The following SORBS2 variants were observed in gnomAD, a reference collection of about 807,000 sequenced individuals.
SORBS2 encodes the protein sorbin and SH3 domain containing 2.
A neutral mutation model predicts 97.7 loss-of-function variants in SORBS2; 46 were observed. That is an observed-to-expected ratio of 0.47 (90% CI 0.37 to 0.60). The LOEUF is 0.60. Ranked by LOEUF, SORBS2 falls within the 20% of genes least tolerant of loss-of-function variation. The pLI is 0.00. For missense variants in SORBS2, 1,316 were observed against 1,282.3 expected (o/e 1.03, Z -0.40); for synonymous variants, 476 against 473.4 (o/e 1.01, Z -0.07).
chr4:185,698,398 G>A (rs1224390041), intron 2 of SORBS2, among the ~76,000 whole-genome samples: 1 of 152,082 alleles, frequency 6.6e-6, no homozygotes, highest in Non-Finnish European at 1.5e-5. Context: ...ATGGCTTGAA[G>A]CTGGGAGGTG....
chr4:185,603,729 T>C (rs188835128), intron 12 of SORBS2, among the ~76,000 whole-genome samples: 1 of 152,330 alleles, frequency 6.6e-6, no homozygotes, highest in Non-Finnish European at 1.5e-5. Flanking sequence ...TTTCATGCTG[T>C]GGTTGTCATT....
intron 1 of SORBS2, among the ~76,000 whole-genome samples, chr4:185,790,378 C>A (rs760862324): frequency 8.5e-5 from 13 of 152,126 alleles, no homozygotes; most frequent in African/African-American, 2.7e-4. Context: ...CATATTGTAG[C>A]GAAAACATTC....
chr4:185,746,870 G>A lies in SORBS2; in HGVS notation c.-198+28357C>T, dbSNP rs552728524. Among the ~76,000 whole-genome samples, 139 of 152,296 alleles carry A rather than the reference G, an allele frequency of 9.1e-4. 1 individual carries two copies. Among genetic ancestry groups the A allele is most frequent in the African/African-American group, 3.2e-3 (131 of 41,564 alleles). ...CTGAATTGTGCCCTCTTAAATTCATGTATCGAAGGACTGGCCCCCTAGGAC... is the reference window on the plus strand; with the variant it reads ...CTGAATTGTGCCCTCTTAAATTCATATATCGAAGGACTGGCCCCCTAGGAC... On this transcript the variant is annotated intron_variant, in intron 2 of 20. Coordinates refer to the SORBS2 transcript ENST00000284776.
At chr4:185,707,382 T>C (rs2098359637) in intron 2 of SORBS2, among the ~76,000 whole-genome samples, 3 of 152,184 alleles carry the variant, frequency 2.0e-5, no homozygotes, top group Non-Finnish European at 4.4e-5. Flanking sequence ...ATAACTTAGT[T>C]ATTGACCAGA....
At chr4:185,653,220 T>C (rs1037278420) in intron 1 of SORBS2, among the ~76,000 whole-genome samples, 28 of 152,336 alleles carry the variant, frequency 1.8e-4, no homozygotes, top group Middle Eastern at 3.4e-3. Flanking sequence ...TGCTATTTAC[T>C]AGTCTAAGCT....
intron 1 of SORBS2, among the ~76,000 whole-genome samples, chr4:185,906,181 G>A (rs1424681690): frequency 1.3e-5 from 2 of 152,174 alleles, no homozygotes; most frequent in African/African-American, 2.4e-5. Context: ...CTACTGGCAT[G>A]CACCACCATG....
intron 1 of SORBS2, among the ~76,000 whole-genome samples, chr4:185,846,514 C>G (rs2099214637): frequency 6.6e-6 from 1 of 152,074 alleles, no homozygotes; most frequent in Non-Finnish European, 1.5e-5. Flanking sequence ...TTTATCTGTA[C>G]TCCTAAAAAA....
intron 1 of SORBS2, among the ~76,000 whole-genome samples, chr4:185,816,744 G>A (rs1019553796): frequency 6.6e-6 from 1 of 152,192 alleles, no homozygotes; most frequent in African/African-American, 2.4e-5. Flanking sequence ...ACCCAGCAGA[G>A]TTGAGGGTTT....
chr4:185,636,403 T>C (rs1478264180), intron 4 of SORBS2, among the ~76,000 whole-genome samples: 1 of 152,184 alleles, frequency 6.6e-6, no homozygotes, highest in Non-Finnish European at 1.5e-5. Flanking sequence ...TGCAGTTTAA[T>C]GGACAAAAGA....
intron 1 of SORBS2, among the ~76,000 whole-genome samples, chr4:185,955,158 GAGAT>G (rs1554057394): frequency 6.6e-6 from 1 of 152,034 alleles, no homozygotes; most frequent in Non-Finnish European, 1.5e-5. Flanking sequence ...ATGTTTCTTA[GAGAT>G]CACTAGGAAA....
At chr4:185,699,284 C>CTTT (rs11435144) in intron 2 of SORBS2, among the ~76,000 whole-genome samples, 18,709 of 112,380 alleles carry the variant, frequency 0.17, 2,169 homozygotes, top group Non-Finnish European at 0.21. Context: ...TGAAATGTAC[C>CTTT]TTTTTTTTTT....
chr4:185,716,031 T>C (rs2098462546), intron 2 of SORBS2, among the ~76,000 whole-genome samples: 1 of 152,232 alleles, frequency 6.6e-6, no homozygotes, highest in Admixed American at 6.5e-5. Context: ...CCTCTTCCTC[T>C]TCTAATAAAT....
At chr4:185,790,682 T>C (rs1408456781) in intron 1 of SORBS2, among the ~76,000 whole-genome samples, 1 of 152,246 alleles carries the variant, frequency 6.6e-6, no homozygotes, top group Non-Finnish European at 1.5e-5. Flanking sequence ...TCTAAGAATG[T>C]TAACTTCATT....
At chr4:185,690,648 A>T in intron 2 of SORBS2, 37 bp from the exon 4 acceptor site, 1 of 879,186 alleles carries the variant, frequency 1.1e-6, no homozygotes, top group Non-Finnish European at 1.7e-6. Flanking sequence ...GTTCACTAGC[A>T]TGTGGAAGAA....
intron 1 of SORBS2, among the ~76,000 whole-genome samples, chr4:185,857,609 A>G (rs2099221268): frequency 6.6e-6 from 1 of 152,232 alleles, no homozygotes; most frequent in African/African-American, 2.4e-5. Context: ...GAATAGAGCC[A>G]TATTTTCCTT....
intron 1 of SORBS2, among the ~76,000 whole-genome samples, chr4:185,878,290 C>T (rs1166782646): frequency 6.6e-6 from 1 of 152,164 alleles, no homozygotes; most frequent in East Asian, 1.9e-4. Flanking sequence ...TAAGCATTAA[C>T]ATGATCTGAA....
At chr4:185,951,831 A>G (rs2099277351) in intron 1 of SORBS2, among the ~76,000 whole-genome samples, 1 of 152,192 alleles carries the variant, frequency 6.6e-6, no homozygotes, top group South Asian at 2.1e-4. Context: ...TGGGAAATAA[A>G]TCGGGTTAGT....
intron 1 of SORBS2, among the ~76,000 whole-genome samples, chr4:185,899,559 G>A (rs899441914): frequency 6.6e-6 from 1 of 152,074 alleles, no homozygotes; most frequent in African/African-American, 2.4e-5. Context: ...CCCAGAGGCT[G>A]GGACCCTGAC....
chr4:185,619,136 T>A (rs146355742), intron 8 of SORBS2, among the ~76,000 whole-genome samples: 1 of 152,202 alleles, frequency 6.6e-6, no homozygotes, highest in Non-Finnish European at 1.5e-5. Context: ...GGCAAAAGTA[T>A]AGGTGTGATC....
Sources: gnomAD v4.1 joint callset for allele counts (sites outside exome capture counted in the v4.1 genomes callset) on GRCh38, gnomAD v4.1.1 for gene constraint, MANE v1.5 for transcripts, NCBI Gene and HGNC (gene_info 2026-07-23, HGNC 2026-07-21) for gene names.